The following ATR variants were observed in gnomAD, a reference collection of about 807,000 sequenced individuals.
ATR encodes serine/threonine-protein kinase ATR.
In ATR, 142 loss-of-function variants were observed where a neutral mutation model predicts 305.3. That is an observed-to-expected ratio of 0.47 (90% CI 0.41 to 0.53). ATR has a LOEUF of 0.53. Ranked by LOEUF, ATR falls within the 20% of genes least tolerant of loss-of-function variation. The pLI, the probability that ATR is intolerant of heterozygous loss-of-function variation, is 0.00. For synonymous variants in ATR, 1,050 were observed against 1,068.1 expected (o/e 0.98, Z 0.33); for missense variants, 2,135 against 3,133.1 (o/e 0.68, Z 7.60).
chr3:142,518,863 T>C (rs1223836821), intron 24 of ATR, among the ~76,000 whole-genome samples: 1 of 152,212 alleles, frequency 6.6e-6, no homozygotes, highest in Non-Finnish European at 1.5e-5. Flanking sequence ...TTGCATGTCA[T>C]CTTGCATATT....
intron 27 of ATR, among the ~76,000 whole-genome samples, chr3:142,509,282 G>C (rs1001135161): frequency 2.6e-4 from 40 of 152,044 alleles, no homozygotes; most frequent in African/African-American, 9.4e-4. Flanking sequence ...TCCTGCCTCA[G>C]CCTCCCGAGT....
intron 46 of ATR, chr3:142,452,141 G>A: frequency 9.8e-7 from 1 of 1,018,414 alleles, no homozygotes; most frequent in Middle Eastern, 2.7e-4. Flanking sequence ...TCAAGACAAA[G>A]GGTTAAGGAT....
At position 142,578,636 on chromosome 3, in the gene ATR, C is replaced by T; in HGVS notation, c.59+10G>A. On this transcript the variant is annotated intron_variant, in intron 1 of 46. Coordinates refer to ENST00000350721, the MANE Select transcript of ATR (RefSeq NM_001184.4). ...GGAGGATGCAGGACCCAGGCTGGGC[C>T]TAGCCCTACCTGCCCAGCTCCCGCA... 6.2e-7 allele frequency: 1 copy of T among 1,611,256 alleles called. No homozygotes were observed. Among genetic ancestry groups the T allele is most frequent in the East Asian group, 2.2e-5 (1 of 44,848 alleles).
intron 1 of ATR, among the ~76,000 whole-genome samples, chr3:142,569,637 G>A (rs1233897225): frequency 2.0e-5 from 3 of 149,106 alleles, no homozygotes; most frequent in Non-Finnish European, 4.5e-5. Context: ...TTTTTTTTGT[G>A]GGATTTTTTT....
At position 142,485,298 on chromosome 3, in the gene ATR, T is replaced by A. The variant is rs376200414; in HGVS notation, c.6079-16A>T. 1 of 1,613,802 alleles carries A rather than the reference T, an allele frequency of 6.2e-7. No individual in the cohort carries two copies. On this transcript the variant is annotated splice_polypyrimidine_tract_variant and intron_variant, in intron 35 of 46. Transcript: ENST00000350721. Reference sequence around the variant, plus strand: ...CGGTCACATCCTATAAAAAAGAACATAGGATACCTACCTAAGGAAATCCCA... The same window carrying A: ...CGGTCACATCCTATAAAAAAGAACAAAGGATACCTACCTAAGGAAATCCCA...
intron 26 of ATR, 95 bp downstream of exon 26, chr3:142,513,406 A>G: frequency 2.8e-6 from 4 of 1,442,126 alleles, no homozygotes; most frequent in Non-Finnish European, 3.9e-6. Flanking sequence ...ACATAGGTCT[A>G]CATTTCCTAC....
At chr3:142,495,511 G>A (rs1401324863) in intron 34 of ATR, among the ~76,000 whole-genome samples, 4 of 152,152 alleles carry the variant, frequency 2.6e-5, no homozygotes, top group Non-Finnish European at 5.9e-5. Flanking sequence ...TTGGGTGGCT[G>A]AGGCAGGTGG....
intron 13 of ATR, among the ~76,000 whole-genome samples, chr3:142,552,067 C>A (rs1227425927): frequency 1.3e-5 from 2 of 151,982 alleles, no homozygotes; most frequent in Non-Finnish European, 2.9e-5. Flanking sequence ...AAAAGCTCAA[C>A]ATCACTGATC....
At chr3:142,512,235 A>AG (rs1368760745) in intron 27 of ATR, 25 bp downstream of exon 27, 21 of 1,567,984 alleles carry the variant, frequency 1.3e-5, no homozygotes, top group East Asian at 6.7e-5. Flanking sequence ...AAAAAAAAAA[A>AG]AAAGAAACAG....
chr3:142,456,824 A>G (rs1170426721), intron 45 of ATR, among the ~76,000 whole-genome samples: 1 of 152,250 alleles, frequency 6.6e-6, no homozygotes, highest in Non-Finnish European at 1.5e-5. Flanking sequence ...AAAGATGCAG[A>G]GAAGTTGAAA....
chr3:142,576,779 C>T (rs2035454231), intron 1 of ATR, among the ~76,000 whole-genome samples: 1 of 152,024 alleles, frequency 6.6e-6, no homozygotes, highest in Non-Finnish European at 1.5e-5. Flanking sequence ...TAGTTGAAGG[C>T]AGGAGAGTGG....
intron 1 of ATR, among the ~76,000 whole-genome samples, chr3:142,570,828 G>T (rs1321109261): frequency 2.6e-5 from 4 of 152,222 alleles, no homozygotes; most frequent in Admixed American, 2.6e-4. Flanking sequence ...AATGAAATGT[G>T]AATACTGAGA....
intron 28 of ATR, among the ~76,000 whole-genome samples, chr3:142,506,958 G>A (rs1419795577): frequency 6.6e-6 from 1 of 152,154 alleles, no homozygotes; most frequent in Admixed American, 6.5e-5. Flanking sequence ...AACACCCACT[G>A]TGTAATTTTT....
rs764197585 is a variant in ATR at position 142,536,137 on chromosome 3, T to C, written c.3790A>G (p.Ile1264Val). ...CTGTATTCCTGGAGAACGGCTTTTA[T>C]CTTTTTTAATTCTGGATGATCAGGT... ...FLPDHPELKK[I>V]KAVLQEYRKE... The change falls in exon 20 of 47, where the codon ATA becomes GTA. Residue 1264 changes from isoleucine (I) to valine (V), a missense_variant. Transcript: ENST00000350721. 1.3e-6 allele frequency: 2 copies of C among 1,591,080 alleles called. No individual in the cohort carries two copies. Among genetic ancestry groups the C allele is most frequent in the South Asian group, 2.2e-5 (2 of 90,548 alleles).
chr3:142,499,343 G>A (rs1004134713), intron 31 of ATR, among the ~76,000 whole-genome samples: 2 of 151,182 alleles, frequency 1.3e-5, no homozygotes, highest in East Asian at 3.9e-4. Context: ...CACCCAGGCT[G>A]GAGTGCAGTG....
At chr3:142,576,194 A>C (rs182811703) in intron 1 of ATR, among the ~76,000 whole-genome samples, 2 of 152,334 alleles carry the variant, frequency 1.3e-5, no homozygotes, top group East Asian at 3.9e-4. Context: ...CGACAAGGGA[A>C]AAAAACCAAG....
chr3:142,450,256 A>G (rs1420263785), intron 46 of ATR: 2 of 700,412 alleles, frequency 2.9e-6, no homozygotes, highest in Admixed American at 4.0e-5. Flanking sequence ...AACCCCTACA[A>G]CAGCCAACTT....
intron 12 of ATR, 67 bp downstream of exon 12, chr3:142,553,573 A>G (rs915610823): frequency 6.7e-5 from 100 of 1,487,498 alleles, no homozygotes; most frequent in Non-Finnish European, 8.9e-5. Context: ...CATTTTTAAC[A>G]GCAAGCAAAT....
intron 31 of ATR, 100 bp downstream of exon 31, chr3:142,499,527 C>G (rs2031839257): frequency 6.8e-6 from 7 of 1,026,916 alleles, no homozygotes; most frequent in Non-Finnish European, 1.1e-5. Context: ...ATCTCCTGAC[C>G]TCATGATCCG....
Sources: allele counts gnomAD v4.1 joint callset (sites outside exome capture counted in the v4.1 genomes callset), GRCh38; gene constraint gnomAD v4.1.1; transcripts MANE v1.5; gene names NCBI Gene and HGNC (gene_info 2026-07-23, HGNC 2026-07-21).